The following PLCB4 variants were observed in gnomAD, a reference collection of about 807,000 sequenced individuals.
PLCB4 encodes the protein phospholipase C beta 4.
PLCB4 carries 77 observed loss-of-function variants against 178.8 expected under a neutral mutation model. The observed-to-expected ratio is 0.43, with a 90% CI of 0.36 to 0.52. The LOEUF is 0.52. Among genes scored for constraint, PLCB4 ranks in the 20% least tolerant of loss-of-function variants. PLCB4 has a pLI of 0.00. For missense variants in PLCB4, 1,024 were observed against 1,453.4 expected (o/e 0.70, Z 4.80); for synonymous variants, 496 against 490.8 (o/e 1.01, Z -0.14).
chr20:9,352,936 A>G (rs529971528), intron 7 of PLCB4, among the ~76,000 whole-genome samples: 2 of 152,262 alleles, frequency 1.3e-5, no homozygotes, highest in East Asian at 3.9e-4. Flanking sequence ...AAATCATATG[A>G]CACTTAATAT....
At chr20:9,111,794 C>T (rs1304006422) in intron 2 of PLCB4, among the ~76,000 whole-genome samples, 1 of 152,282 alleles carries the variant, frequency 6.6e-6, no homozygotes, top group Non-Finnish European at 1.5e-5. Context: ...GAATGGCCTG[C>T]TCCAAGTAAC....
rs73609461 is a variant in PLCB4 at position 9,345,588 on chromosome 20, T to C, written c.369+6551T>C. Among the ~76,000 whole-genome samples the C allele has an allele frequency of 1.6e-3, 247 of 152,344 alleles. 1 individual carries two copies. Among genetic ancestry groups the C allele is most frequent in the African/African-American group, 5.7e-3 (236 of 41,592 alleles). On this transcript the variant is annotated intron_variant, in intron 7 of 39. Transcript: ENST00000378473. ...AATAAATCTGTTATTCTATACCAAG[T>C]TGAATTTTCCTTTGATTACAAAAAA...
rs2042890991 is a variant in PLCB4, at chr20:9,453,479, C to T, written c.2996+17C>T. On this transcript the variant is annotated intron_variant, in intron 33 of 39. Coordinates refer to ENST00000378473, the MANE Select transcript of PLCB4 (RefSeq NM_001377142.1). The stretch of plus-strand genomic sequence containing the variant: ...GAAGAAGGGGTAATACTGTTTATTT[C>T]CTTCTGAAGACTTTCTCTATGTTTA... The T allele has an allele frequency of 1.5e-6, 2 of 1,375,736 alleles. No homozygotes were observed. The highest frequency in any genetic ancestry group is 4.6e-5 in the East Asian group (2 of 43,586). The allele number at this position is 1,375,736 out of a possible 1,614,324, so 85.2% of individuals were successfully genotyped here.
At chr20:9,358,814 G>A (rs761280330) in intron 7 of PLCB4, among the ~76,000 whole-genome samples, 2 of 152,040 alleles carry the variant, frequency 1.3e-5, no homozygotes, top group Admixed American at 6.6e-5. Flanking sequence ...AAGGAGAATC[G>A]CTTGAACCTG....
intron 2 of PLCB4, among the ~76,000 whole-genome samples, chr20:9,177,062 G>A (rs2093168049): frequency 1.3e-5 from 2 of 152,212 alleles, no homozygotes; most frequent in South Asian, 4.2e-4. Flanking sequence ...GGGGTGGTTG[G>A]AACTTGGAAA....
chr20:9,278,719 C>T (rs991868427), intron 3 of PLCB4, among the ~76,000 whole-genome samples: 38 of 152,078 alleles, frequency 2.5e-4, no homozygotes, highest in African/African-American at 7.7e-4. Context: ...CAGATATGAG[C>T]GCTGGACTTC....
intron 3 of PLCB4, among the ~76,000 whole-genome samples, chr20:9,273,642 C>T (rs1240242645): frequency 2.7e-5 from 4 of 148,018 alleles, no homozygotes; most frequent in Admixed American, 6.8e-5. Flanking sequence ...ATGTTCTGTT[C>T]GGATGATAAT....
At chr20:9,397,017 CA>C (rs1225289842) in intron 19 of PLCB4, among the ~76,000 whole-genome samples, 1 of 152,162 alleles carries the variant, frequency 6.6e-6, no homozygotes, top group African/African-American at 2.4e-5. Context: ...CTTCTTTTCA[CA>C]AAAGATTTCT....
At chr20:9,363,301 C>G (rs1188075323) in intron 8 of PLCB4, among the ~76,000 whole-genome samples, 2 of 152,150 alleles carry the variant, frequency 1.3e-5, no homozygotes, top group Non-Finnish European at 2.9e-5. Flanking sequence ...CTCTGCATGT[C>G]TGGAGCCATC....
At chr20:9,461,048 C>T (rs896903143) in intron 35 of PLCB4, among the ~76,000 whole-genome samples, 2 of 152,180 alleles carry the variant, frequency 1.3e-5, no homozygotes, top group African/African-American at 4.8e-5. Flanking sequence ...TTGATGATTG[C>T]TACAATGCCA....
At chr20:9,407,868 G>T in intron 21 of PLCB4, 49 bp from the exon 22 acceptor site, 1 of 1,519,550 alleles carries the variant, frequency 6.6e-7, no homozygotes, top group Non-Finnish European at 8.9e-7. Flanking sequence ...CGTATCCGTG[G>T]GTCCTACTGA....
At chr20:9,277,085 G>T (rs1366952230) in intron 3 of PLCB4, among the ~76,000 whole-genome samples, 4 of 152,124 alleles carry the variant, frequency 2.6e-5, no homozygotes, top group African/African-American at 9.6e-5. Flanking sequence ...CTGGAAGCCA[G>T]CTTCTCCACC....
intron 15 of PLCB4, 89 bp from the exon 16 acceptor site, chr20:9,389,790 A>G: frequency 1.5e-6 from 1 of 688,918 alleles, no homozygotes; most frequent in Non-Finnish European, 2.5e-6. Context: ...TGACTTTCTG[A>G]AAGACTCAAT....
At chr20:9,314,720 T>C (rs1237755884) in intron 4 of PLCB4, among the ~76,000 whole-genome samples, 1 of 152,078 alleles carries the variant, frequency 6.6e-6, no homozygotes, top group African/African-American at 2.4e-5. Context: ...GATGAACACA[T>C]GGGCGCATCT....
intron 30 of PLCB4, among the ~76,000 whole-genome samples, chr20:9,440,859 TA>T: frequency 6.6e-6 from 1 of 152,188 alleles, no homozygotes; most frequent in East Asian, 1.9e-4. Flanking sequence ...AAGATGAAAG[TA>T]AAAAGCTTGC....
At chr20:9,246,309 C>T (rs187449041) in intron 3 of PLCB4, among the ~76,000 whole-genome samples, 1 of 152,208 alleles carries the variant, frequency 6.6e-6, no homozygotes, top group Non-Finnish European at 1.5e-5. Context: ...ACTATACATA[C>T]CTTCAATGGC....
chr20:9,313,416 A>G (rs2094859737), intron 4 of PLCB4, among the ~76,000 whole-genome samples: 1 of 152,212 alleles, frequency 6.6e-6, no homozygotes, highest in African/African-American at 2.4e-5. Context: ...TCTCAGCAAG[A>G]GGGAAGGTTG....
At position 9,318,390 on chromosome 20, in the gene PLCB4, C is replaced by T. The variant is rs1016372508; in HGVS notation, c.84+10492C>T. ...GGCCATAGGAGTGGGGTTGGCAAGTCCAGGTGGGTCCAGGTGGAGACATGG... is the reference window on the plus strand; with the variant it reads ...GGCCATAGGAGTGGGGTTGGCAAGTTCAGGTGGGTCCAGGTGGAGACATGG... On this transcript the variant is annotated intron_variant, in intron 4 of 39. Transcript: ENST00000378473. 2.3e-3 allele frequency among the ~76,000 whole-genome samples: 350 copies of T among 151,668 alleles called. 5 individuals are homozygous for T. Among genetic ancestry groups the T allele is most frequent in the Non-Finnish European group, 1.4e-3 (94 of 67,928 alleles).
intron 3 of PLCB4, among the ~76,000 whole-genome samples, chr20:9,229,920 A>G (rs549777423): frequency 6.6e-6 from 1 of 152,220 alleles, no homozygotes; most frequent in African/African-American, 2.4e-5. Context: ...ATTATCAGGG[A>G]AAAAAGCTGG....
Sources: allele counts gnomAD v4.1 joint callset (sites outside exome capture counted in the v4.1 genomes callset), GRCh38; gene constraint gnomAD v4.1.1; transcripts MANE v1.5; gene names NCBI Gene and HGNC (gene_info 2026-07-23, HGNC 2026-07-21).